ELAVL2: variants seen among roughly 807,000 people sequenced by gnomAD.
The protein encoded by ELAVL2 is ELAV-like protein 2.
Under a neutral mutation model 34.6 loss-of-function variants are expected in ELAVL2, and 4 were observed. That is an observed-to-expected ratio of 0.12 (90% CI 0.06 to 0.26). The LOEUF (loss-of-function observed/expected upper bound fraction) is 0.26, where lower values mean the gene tolerates loss of function less well. Ranked by LOEUF, ELAVL2 falls within the 10% of genes least tolerant of loss-of-function variation. The probability of loss-of-function intolerance (pLI) is 1.00; values close to 1 mark genes in which losing one functional copy is unlikely to be tolerated. For missense variants in ELAVL2, 432 were observed against 442.8 expected (o/e 0.98, Z 0.22); for synonymous variants, 193 against 154.8 (o/e 1.25, Z -1.83).
chr9:23,792,920 A>T (rs2060493654), intron 1 of ELAVL2, among the ~76,000 whole-genome samples: 1 of 152,024 alleles, frequency 6.6e-6, no homozygotes, highest in Non-Finnish European at 1.5e-5. Context: ...ACAGGCATGC[A>T]TCACCACACC....
chr9:23,700,879 A>G (rs2036955534), intron 5 of ELAVL2, among the ~76,000 whole-genome samples: 1 of 139,926 alleles, frequency 7.1e-6, no homozygotes, highest in Admixed American at 7.5e-5. Flanking sequence ...AAAATCCTTT[A>G]AGAAAAAAAA....
chr9:23,844,616 G>A, the ELAVL2 span, among the ~76,000 whole-genome samples: 1 of 151,822 alleles, frequency 6.6e-6, no homozygotes. Context: ...CTATCCCATA[G>A]TTAATTATTT....
chr9:23,820,704 TC>T (rs2064472891), intron 1 of ELAVL2, among the ~76,000 whole-genome samples: 1 of 151,976 alleles, frequency 6.6e-6, no homozygotes, highest in East Asian at 1.9e-4. Flanking sequence ...CGACGCTGGC[TC>T]CCCCAGTCTC....
chr9:23,760,854 A>C (rs1321855927), intron 2 of ELAVL2, among the ~76,000 whole-genome samples: 1 of 152,108 alleles, frequency 6.6e-6, no homozygotes, highest in Admixed American at 6.6e-5. Context: ...TTATGAGCCA[A>C]GTCCAGGGGC....
upstream of ELAVL2, among the ~76,000 whole-genome samples, chr9:23,828,354 A>G (rs994482014): frequency 3.9e-5 from 6 of 152,182 alleles, no homozygotes; most frequent in Non-Finnish European, 8.8e-5. Context: ...ATTGAAGTAA[A>G]TCTTTACCAT....
intron 1 of ELAVL2, among the ~76,000 whole-genome samples, chr9:23,762,539 C>T (rs1260686298): frequency 1.3e-5 from 2 of 152,062 alleles, no homozygotes; most frequent in African/African-American, 2.4e-5. Flanking sequence ...TATCCTTACT[C>T]ACCTGCAGTG....
chr9:23,806,675 T>G (rs1176949241), intron 1 of ELAVL2, among the ~76,000 whole-genome samples: 2 of 151,766 alleles, frequency 1.3e-5, no homozygotes, highest in African/African-American at 4.8e-5. Flanking sequence ...GAAAACAAAG[T>G]TATAAGAATC....
At chr9:23,736,494 G>A (rs1372817824) in intron 2 of ELAVL2, among the ~76,000 whole-genome samples, 1 of 152,100 alleles carries the variant, frequency 6.6e-6, no homozygotes, top group South Asian at 2.1e-4. Flanking sequence ...GAGGGGAGGA[G>A]CAGGGCTGCT....
chr9:23,739,253 A>G (rs1379265970), intron 2 of ELAVL2, among the ~76,000 whole-genome samples: 1 of 152,196 alleles, frequency 6.6e-6, no homozygotes, highest in Non-Finnish European at 1.5e-5. Flanking sequence ...TAGCACGCTC[A>G]GCACCACAAT....
chr9:23,774,422 T>G (rs886224450), intron 1 of ELAVL2, among the ~76,000 whole-genome samples: 9 of 152,082 alleles, frequency 5.9e-5, no homozygotes, highest in Admixed American at 3.9e-4. Flanking sequence ...TGACTGTTAA[T>G]TCCTGTCCTG....
chr9:23,735,964 T>G (rs1282146358), intron 2 of ELAVL2, among the ~76,000 whole-genome samples: 1 of 152,184 alleles, frequency 6.6e-6, no homozygotes, highest in Non-Finnish European at 1.5e-5. Context: ...TATCCCAAAC[T>G]GTGTGTAATT....
rs571006493 is a variant in ELAVL2, at chr9:23,697,329, A to G, written c.714-3843T>C. Among the ~76,000 whole-genome samples, 3 of 152,346 alleles carry G rather than the reference A, an allele frequency of 2.0e-5. No homozygotes were observed. The South Asian group carries it at 6.2e-4, about 32-fold the overall frequency. ...CAAGCTACATTATAAGGTTAGACACAAGATAATCCAACATGCATCACATGA... is the reference window on the plus strand; with the variant it reads ...CAAGCTACATTATAAGGTTAGACACGAGATAATCCAACATGCATCACATGA... On this transcript the variant is annotated intron_variant, in intron 5 of 6. Transcript: ENST00000397312.
intron 2 of ELAVL2, among the ~76,000 whole-genome samples, chr9:23,758,592 T>C (rs1019385588): frequency 1.2e-4 from 18 of 152,136 alleles, no homozygotes; most frequent in African/African-American, 4.3e-4. Context: ...CATGCTCATA[T>C]GTTATTGATG....
intron 4 of ELAVL2, among the ~76,000 whole-genome samples, chr9:23,703,650 AT>A (rs1186545849): frequency 6.6e-6 from 1 of 152,322 alleles, no homozygotes; most frequent in South Asian, 2.1e-4. Context: ...CACTTGATGA[AT>A]GAAAAATCTG....
chr9:23,751,817 A>T (rs1457607940), intron 2 of ELAVL2, among the ~76,000 whole-genome samples: 1 of 152,168 alleles, frequency 6.6e-6, no homozygotes, highest in Non-Finnish European at 1.5e-5. Context: ...ATTCTGAAAC[A>T]TTCACACAAT....
At chr9:23,841,246 CCAAT>C in the ELAVL2 span, among the ~76,000 whole-genome samples, 1 of 152,040 alleles carries the variant, frequency 6.6e-6, no homozygotes. Context: ...GGTGAGGAAA[CCAAT>C]CAAGATAGTT....
At position 23,701,100 on chromosome 9, in the gene ELAVL2, T is replaced by C. The variant is rs995527113; in HGVS notation, c.713+279A>G. On this transcript the variant is annotated intron_variant, in intron 5 of 6. Coordinates refer to ENST00000397312, the MANE Select transcript of ELAVL2 (RefSeq NM_004432.5). ...CAGGTTGTGCCAACATGAATACCTC[T>C]AGACATTGCCAAATGTTCCCTGGGA... 2.6e-5 allele frequency among the ~76,000 whole-genome samples: 4 copies of C among 152,166 alleles called. No homozygotes were observed. In the East Asian group the frequency reaches 5.8e-4, roughly 22 times the overall value.
upstream of ELAVL2, among the ~76,000 whole-genome samples, chr9:23,826,539 A>T (rs1306561092): frequency 6.6e-6 from 1 of 152,132 alleles, no homozygotes; most frequent in Non-Finnish European, 1.5e-5. Flanking sequence ...GGGGAGGTAC[A>T]CTCTTAACAC....
At chr9:23,807,678 A>C (rs1331090701) in intron 1 of ELAVL2, among the ~76,000 whole-genome samples, 1 of 152,182 alleles carries the variant, frequency 6.6e-6, no homozygotes, top group East Asian at 1.9e-4. Context: ...TCATTCATAA[A>C]CAAACCAAAT....
Sources: gnomAD v4.1 joint callset for allele counts (sites outside exome capture counted in the v4.1 genomes callset) on GRCh38, gnomAD v4.1.1 for gene constraint, MANE v1.5 for transcripts, NCBI Gene and HGNC (gene_info 2026-07-23, HGNC 2026-07-21) for gene names.